Variants in PITPNC1 observed in about 807,000 individuals in gnomAD.
PITPNC1 encodes the protein cytoplasmic phosphatidylinositol transfer protein 1.
Under a neutral mutation model 44.7 loss-of-function variants are expected in PITPNC1, and 18 were observed. The observed-to-expected ratio is 0.40, with a 90% CI of 0.28 to 0.60. The LOEUF is 0.60. Among genes scored for constraint, PITPNC1 ranks in the 20% least tolerant of loss-of-function variants. The pLI is 0.39. For synonymous variants in PITPNC1, 141 were observed against 149.6 expected (o/e 0.94, Z 0.42); for missense variants, 290 against 418.4 (o/e 0.69, Z 2.68).
intron 1 of PITPNC1, among the ~76,000 whole-genome samples, chr17:67,467,077 T>TTTTTA (rs2039438591): frequency 1.3e-5 from 2 of 149,036 alleles, no homozygotes; most frequent in Non-Finnish European, 1.5e-5. Flanking sequence ...TTTTTTTTTT[T>TTTTTA]GAGATGAATC....
intron 1 of PITPNC1, among the ~76,000 whole-genome samples, chr17:67,411,673 G>T (rs2038499742): frequency 6.6e-6 from 1 of 152,070 alleles, no homozygotes; most frequent in Non-Finnish European, 1.5e-5. Flanking sequence ...CAGGAACAAG[G>T]TAACGTTATG....
intron 1 of PITPNC1, among the ~76,000 whole-genome samples, chr17:67,448,239 G>C (rs552427449): frequency 6.6e-6 from 1 of 152,174 alleles, no homozygotes; most frequent in Non-Finnish European, 1.5e-5. Context: ...GAGCCACTGC[G>C]CCCGGCTGCA....
rs540183662 is a variant in PITPNC1, at chr17:67,597,142, C to T, written c.366+18885C>T. Among the ~76,000 whole-genome samples the T allele has an allele frequency of 1.3e-5, 2 of 152,254 alleles. No homozygotes were observed. The highest frequency in any genetic ancestry group is 1.3e-4 in the Admixed American group (2 of 15,306). On this transcript the variant is annotated intron_variant, in intron 5 of 8. Transcript: ENST00000581322. The surrounding 1 kb of genome is among the most constrained non-coding windows in gnomAD (Gnocchi z 4.0). ...CCCCTGGGCTCAAGTGATGCCCCCACCTTGGCCTCCCAAACTGCTGGGATT... is the reference window on the plus strand; with the variant it reads ...CCCCTGGGCTCAAGTGATGCCCCCATCTTGGCCTCCCAAACTGCTGGGATT...
intron 1 of PITPNC1, among the ~76,000 whole-genome samples, chr17:67,442,042 CATTCTT>C (rs2039018947): frequency 6.6e-6 from 1 of 151,768 alleles, no homozygotes; most frequent in Non-Finnish European, 1.5e-5. Context: ...TGTATTTCCA[CATTCTT>C]TCATTTCTGC....
chr17:67,633,787 A>G (rs543904485), intron 6 of PITPNC1, among the ~76,000 whole-genome samples: 55 of 152,336 alleles, frequency 3.6e-4, no homozygotes, highest in African/African-American at 1.3e-3. Flanking sequence ...CACTCCTGTG[A>G]CGCCTCGGGC....
intron 1 of PITPNC1, among the ~76,000 whole-genome samples, chr17:67,451,968 T>C (rs1261100432): frequency 6.6e-6 from 1 of 151,766 alleles, no homozygotes; most frequent in Admixed American, 6.6e-5. Context: ...CATAAAGTTT[T>C]TGAGTTCATT....
At chr17:67,533,047 A>G (rs188386302) in intron 2 of PITPNC1, 97 bp downstream of exon 2, 1 of 898,358 alleles carries the variant, frequency 1.1e-6, no homozygotes, top group Non-Finnish European at 1.7e-6. Context: ...TGAAAAGGTC[A>G]CTTGGAAAGT....
intron 2 of PITPNC1, among the ~76,000 whole-genome samples, chr17:67,546,230 T>A (rs2040681081): frequency 6.6e-6 from 1 of 151,790 alleles, no homozygotes; most frequent in Non-Finnish European, 1.5e-5. Flanking sequence ...GTCTAGAATA[T>A]ATACTTTTAT....
In PITPNC1 at chr17:67,460,606, G is replaced by A. The variant is rs188169321; in HGVS notation, c.49-72196G>A. The stretch of plus-strand genomic sequence containing the variant: ...ATTTTTGTATTTTTAGTAGAGACAG[G>A]GTTTCACCATGTTGGCCAGGCTGGT... On this transcript the variant is annotated intron_variant, in intron 1 of 8. Transcript: ENST00000581322. 7.8e-3 allele frequency among the ~76,000 whole-genome samples: 1,192 copies of A among 151,900 alleles called. 11 individuals are homozygous for A. The highest frequency in any genetic ancestry group is 0.012 in the Non-Finnish European group (811 of 67,926).
intron 6 of PITPNC1, among the ~76,000 whole-genome samples, chr17:67,644,537 C>T (rs1001076945): frequency 4.0e-5 from 6 of 149,404 alleles, no homozygotes; most frequent in African/African-American, 4.9e-5. Flanking sequence ...TGGGTTCAAG[C>T]GATTCTCCTG....
intron 1 of PITPNC1, among the ~76,000 whole-genome samples, chr17:67,428,422 C>T (rs977978054): frequency 2.0e-5 from 3 of 151,744 alleles, no homozygotes; most frequent in African/African-American, 7.3e-5. Flanking sequence ...CACCTATAGT[C>T]CTAGCTAATC....
rs1568048804 is a variant in PITPNC1, at chr17:67,577,627, A to ATTTTTTTTT, written c.295-559_295-558insTTTTTTTTT. Among the ~76,000 whole-genome samples, 22 of 151,132 alleles carry ATTTTTTTTT rather than the reference A, an allele frequency of 1.5e-4. No individual in the cohort carries two copies. In the South Asian group the frequency reaches 4.6e-3, roughly 31 times the overall value. ...ATTTAAAATTTAAAATAAATTTAAA[A>ATTTTTTTTT]ATTTTTTTTATTTTACTTTAAAAAT... On this transcript the variant is annotated intron_variant, in intron 4 of 8. Coordinates refer to ENST00000581322, the MANE Select transcript of PITPNC1 (RefSeq NM_012417.4).
intron 4 of PITPNC1, among the ~76,000 whole-genome samples, chr17:67,563,607 T>A (rs1398542556): frequency 6.6e-6 from 1 of 152,218 alleles, no homozygotes; most frequent in South Asian, 2.1e-4. Flanking sequence ...CATGGACAGG[T>A]CTCAGTGGCC....
chr17:67,514,011 G>GAA (rs113151579), intron 1 of PITPNC1, among the ~76,000 whole-genome samples: 2 of 145,608 alleles, frequency 1.4e-5, no homozygotes, highest in African/African-American at 5.0e-5. Context: ...GCAAAGAAGG[G>GAA]AAAAAAAAAA....
intron 1 of PITPNC1, among the ~76,000 whole-genome samples, chr17:67,443,818 A>G (rs1471905790): frequency 6.6e-6 from 1 of 151,848 alleles, no homozygotes; most frequent in Non-Finnish European, 1.5e-5. Flanking sequence ...TATTTCTAGT[A>G]GAGACGGGGT....
At position 67,692,581 on chromosome 17, in the gene PITPNC1, T is replaced by G. The variant is rs2042949711; in HGVS notation, c.692T>G (p.Met231Arg). The G allele has an allele frequency of 1.2e-6, 2 of 1,612,028 alleles. No homozygotes were observed. Among genetic ancestry groups the G allele is most frequent in the Non-Finnish European group, 1.7e-6 (2 of 1,178,304 alleles). ...GTTTTTCTCCTTGAAGACATGACAA[T>G]GGATGAAGTCCGAGAATTTGAACGA... ...AWVDEWYDMTMDEVREFERAT... is the reference protein window; with the variant it reads ...AWVDEWYDMTRDEVREFERAT... Residue 231 changes from methionine (M) to arginine (R), a missense_variant, in exon 9 of 9, where the codon ATG becomes AGG. Coordinates refer to ENST00000581322, the MANE Select transcript of PITPNC1 (RefSeq NM_012417.4).
intron 1 of PITPNC1, among the ~76,000 whole-genome samples, chr17:67,507,704 A>G (rs1352094533): frequency 4.1e-5 from 6 of 146,180 alleles, no homozygotes; most frequent in African/African-American, 1.5e-4. Context: ...AAAAAAAAAA[A>G]AAAAGAGTAG....
chr17:67,636,436 C>T (rs2042034018), intron 6 of PITPNC1, among the ~76,000 whole-genome samples: 1 of 152,188 alleles, frequency 6.6e-6, no homozygotes. Context: ...GCCCTGGAGT[C>T]TTACGGTTAC....
intron 6 of PITPNC1, among the ~76,000 whole-genome samples, chr17:67,658,811 G>T (rs2042304328): frequency 6.6e-6 from 1 of 151,938 alleles, no homozygotes; most frequent in Non-Finnish European, 1.5e-5. Context: ...TACCCAAGCA[G>T]GAAGACCTCC....
Sources: gnomAD v4.1 joint callset for allele counts (sites outside exome capture counted in the v4.1 genomes callset) on GRCh38, gnomAD v4.1.1 for gene constraint, Gnocchi (gnomAD v3.1) non-coding constraint, MANE v1.5 for transcripts, NCBI Gene and HGNC (gene_info 2026-07-23, HGNC 2026-07-21) for gene names.